GSE1: variants seen among roughly 807,000 people sequenced by gnomAD.
GSE1 encodes genetic suppressor element 1.
GSE1 carries 32 observed loss-of-function variants against 112.6 expected under a neutral mutation model. That is an observed-to-expected ratio of 0.28 (90% CI 0.21 to 0.38). The LOEUF (loss-of-function observed/expected upper bound fraction) is 0.38, where lower values mean the gene tolerates loss of function less well. Ranked by LOEUF, GSE1 falls within the 10% of genes least tolerant of loss-of-function variation. The pLI is 1.00. For missense variants in GSE1, 2,348 were observed against 1,699.2 expected (o/e 1.38, Z -6.71); for synonymous variants, 1,115 against 735.6 (o/e 1.52, Z -8.35).
intron 2 of GSE1, among the ~76,000 whole-genome samples, chr16:85,539,571 G>A (rs557044565): frequency 6.6e-6 from 1 of 152,184 alleles, no homozygotes. Context: ...TGGCCTAAAG[G>A]ATTCAGCTTT....
At chr16:85,377,530 AAT>A (rs1466244932) in intron 2 of GSE1, among the ~76,000 whole-genome samples, 1 of 152,192 alleles carries the variant, frequency 6.6e-6, no homozygotes, top group Non-Finnish European at 1.5e-5. Flanking sequence ...GGACTGATAG[AAT>A]ATGTGGTAGG....
Position 85,437,588 on chromosome 16 carries a change from G to A in GSE1, c.2464+79945G>A, listed in dbSNP as rs753099484. Among the ~76,000 whole-genome samples, 5 of 152,192 alleles carry A rather than the reference G, an allele frequency of 3.3e-5. No homozygotes were observed. The East Asian group carries it at 5.8e-4, about 18-fold the overall frequency. On this transcript the variant is annotated intron_variant, in intron 2 of 2. Transcript: ENST00000637419. ...GACGAGGAGGGGCAGCCACATGCTC[G>A]GGGGATTGGGATCGGAGACCAGGAA...
At chr16:85,244,553 A>G (rs1386019362) in intron 1 of GSE1, among the ~76,000 whole-genome samples, 1 of 152,226 alleles carries the variant, frequency 6.6e-6, no homozygotes, top group Non-Finnish European at 1.5e-5. Context: ...GAATGCAACT[A>G]TACGTGAAAA....
At chr16:85,268,887 G>GTCTCGCCATCCACTCGGGAA (rs1382943737) in intron 1 of GSE1, among the ~76,000 whole-genome samples, 1 of 150,110 alleles carries the variant, frequency 6.7e-6, no homozygotes, top group Admixed American at 6.6e-5. Context: ...TGAAGGATGG[G>GTCTCGCCATCCACTCGGGAA]ACCCATTTCT....
Position 85,655,918 on chromosome 16 carries a change from G to T in GSE1, c.989+1G>T. ...GCATGTCTGGCCTCAGCGCGGAGAG[G>T]TAAGTGCGTCTCGAGCCGAGGAGCC... On this transcript the variant is annotated splice_donor_variant, in intron 6 of 15. Transcript: ENST00000253458. LOFTEE classifies it high-confidence loss of function. 6.3e-7 allele frequency: 1 copy of T among 1,599,780 alleles called. No homozygotes were observed. Among genetic ancestry groups the T allele is most frequent in the Non-Finnish European group, 8.5e-7 (1 of 1,178,428 alleles).
chr16:85,309,817 T>G (rs988633477), intron 1 of GSE1, among the ~76,000 whole-genome samples: 1 of 152,162 alleles, frequency 6.6e-6, no homozygotes, highest in African/African-American at 2.4e-5. Context: ...GGGTGAAGGG[T>G]GGACGCGGCC....
intron 2 of GSE1, among the ~76,000 whole-genome samples, chr16:85,532,329 T>C (rs115376667): frequency 0.017 from 2,578 of 152,282 alleles, 46 homozygotes; most frequent in Middle Eastern, 0.037. Flanking sequence ...GGTACAATCA[T>C]GGCTCACTGC....
chr16:85,273,688 C>T (rs969105553), intron 1 of GSE1, among the ~76,000 whole-genome samples: 2 of 151,820 alleles, frequency 1.3e-5, no homozygotes, highest in African/African-American at 4.8e-5. Context: ...GGCATGGGGT[C>T]TCCTTTTTGG....
chr16:85,173,096 C>CA (rs1205355282), intron 1 of GSE1, among the ~76,000 whole-genome samples: 1 of 152,230 alleles, frequency 6.6e-6, no homozygotes, highest in African/African-American at 2.4e-5. Flanking sequence ...TATAGCAGTG[C>CA]AGCCCCTGGG....
intron 2 of GSE1, chr16:85,490,028 C>T (rs1479886143): frequency 2.6e-5 from 4 of 152,362 alleles, no homozygotes; most frequent in Non-Finnish European, 4.4e-5. Flanking sequence ...GGATTTCAGA[C>T]TTCTGGGCTT....
At chr16:85,634,977 C>G (rs1178407691) in intron 2 of GSE1, among the ~76,000 whole-genome samples, 1 of 152,106 alleles carries the variant, frequency 6.6e-6, no homozygotes, top group African/African-American at 2.4e-5. Flanking sequence ...AACCGGGACC[C>G]CAGTGGCATC....
intron 2 of GSE1, among the ~76,000 whole-genome samples, chr16:85,392,833 G>T (rs1387495971): frequency 6.6e-6 from 1 of 152,226 alleles, no homozygotes; most frequent in Non-Finnish European, 1.5e-5. Context: ...AGGCTGGAGA[G>T]GCGGCTGGGG....
upstream of GSE1, among the ~76,000 whole-genome samples, chr16:85,610,219 C>T (rs538894317): frequency 9.2e-5 from 14 of 152,348 alleles, 1 homozygote; most frequent in Middle Eastern, 6.8e-3. Flanking sequence ...CCGCGTGCAG[C>T]ATCCCCAGGG....
chr16:85,383,569 C>A (rs998688392), intron 2 of GSE1, among the ~76,000 whole-genome samples: 1 of 141,914 alleles, frequency 7.0e-6, no homozygotes, highest in Admixed American at 6.9e-5. Context: ...CTCTCTCTCT[C>A]TCTCTGACAC....
chr16:85,518,224 GC>G (rs768485478), intron 2 of GSE1, among the ~76,000 whole-genome samples: 1 of 152,222 alleles, frequency 6.6e-6, no homozygotes, highest in African/African-American at 2.4e-5. Flanking sequence ...CTTTGGGTGT[GC>G]CCCCCGGGGT....
chr16:85,425,322 CAGCAGGA>C lies in GSE1; in HGVS notation c.2464+67685_2464+67691del, dbSNP rs907125110. 7.9e-5 allele frequency among the ~76,000 whole-genome samples: 12 copies of C among 151,894 alleles called. 1 individual carries two copies. Among genetic ancestry groups the C allele is most frequent in the African/African-American group, 2.9e-4 (12 of 41,492 alleles). ...ATGCACGGGTGATGTGAGGTGGTGACAGCAGGAAGCAGCCCCACCCCCAGGGCCAAGG... is the reference window on the plus strand; with the variant it reads ...ATGCACGGGTGATGTGAGGTGGTGACAGCAGCCCCACCCCCAGGGCCAAGG... On this transcript the variant is annotated intron_variant, in intron 2 of 2. Coordinates refer to the GSE1 transcript ENST00000637419.
In GSE1 at chr16:85,461,867, T is replaced by A. The variant is rs375995570; in HGVS notation, c.2464+104224T>A. Among the ~76,000 whole-genome samples the A allele has an allele frequency of 2.3e-3, 338 of 150,044 alleles. 1 individual carries two copies. The highest frequency in any genetic ancestry group is 6.9e-3 in the African/African-American group (282 of 40,696). On this transcript the variant is annotated intron_variant, in intron 2 of 2. Coordinates refer to the GSE1 transcript ENST00000637419. ...CGGACCTTCTCCCAGCCCTCACCCC[T>A]CCCCAGCTCCTGAGAGCGGCAGGCA... is the stretch of plus-strand genomic sequence containing the variant.
At chr16:85,639,484 A>G (rs35358082) in intron 2 of GSE1, among the ~76,000 whole-genome samples, 97,570 of 152,174 alleles carry the variant, frequency 0.64, 31,571 homozygotes, top group Non-Finnish European at 0.69. Flanking sequence ...ACTCCCCTCT[A>G]AGCCTCCTGG....
chr16:85,439,138 C>T (rs2049317283), intron 2 of GSE1, among the ~76,000 whole-genome samples: 1 of 152,250 alleles, frequency 6.6e-6, no homozygotes, highest in South Asian at 2.1e-4. Context: ...ACTCTGTCTG[C>T]AGACCCGGGG....
Sources: allele counts gnomAD v4.1 joint callset (sites outside exome capture counted in the v4.1 genomes callset), GRCh38; gene constraint gnomAD v4.1.1; transcripts MANE v1.5; gene names NCBI Gene and HGNC (gene_info 2026-07-23, HGNC 2026-07-21).